RPH3A: variants seen among roughly 807,000 people sequenced by gnomAD.
RPH3A encodes the protein rabphilin-3A.
In RPH3A, 48 loss-of-function variants were observed where a neutral mutation model predicts 102.2. The ratio of observed to expected loss-of-function variants is 0.47; its 90% CI spans 0.37 to 0.60. RPH3A has a LOEUF of 0.60. RPH3A is among the 20% of genes least tolerant of loss of function. The pLI is 0.00. For missense variants in RPH3A, 781 were observed against 910.1 expected (o/e 0.86, Z 1.83); for synonymous variants, 310 against 324.3 (o/e 0.96, Z 0.47).
intron 19 of RPH3A, chr12:112,893,433 G>A (rs530956789): frequency 1.3e-5 from 2 of 152,348 alleles, no homozygotes; most frequent in Admixed American, 6.5e-5. Flanking sequence ...GTGACAACCT[G>A]AATCAGAATC....
At chr12:112,882,151 C>T (rs1177108223) in intron 15 of RPH3A, among the ~76,000 whole-genome samples, 4 of 151,812 alleles carry the variant, frequency 2.6e-5, no homozygotes, top group Non-Finnish European at 5.9e-5. Flanking sequence ...GCGGCTCTCC[C>T]ACTGCTGACT....
At chr12:112,779,951 G>A (rs952827441) in intron 1 of RPH3A, among the ~76,000 whole-genome samples, 31 of 152,312 alleles carry the variant, frequency 2.0e-4, no homozygotes, top group Non-Finnish European at 3.5e-4. Context: ...TGATTGGAGT[G>A]AAGCAGCCAC....
chr12:112,712,892 T>TTCTTCC (rs2040474023), intron 1 of RPH3A, among the ~76,000 whole-genome samples: 1 of 134,648 alleles, frequency 7.4e-6, no homozygotes, highest in African/African-American at 3.1e-5. Flanking sequence ...CTTCTTCTTC[T>TTCTTCC]TCTTCTTCTT....
At chr12:112,712,786 A>G (rs1480216495) in intron 1 of RPH3A, among the ~76,000 whole-genome samples, 1 of 151,924 alleles carries the variant, frequency 6.6e-6, no homozygotes, top group Non-Finnish European at 1.5e-5. Flanking sequence ...ATCATGGCTC[A>G]TGGCAGCCTC....
At chr12:112,672,821 T>C (rs1304601232) in intron 1 of RPH3A, among the ~76,000 whole-genome samples, 1 of 152,202 alleles carries the variant, frequency 6.6e-6, no homozygotes, top group Non-Finnish European at 1.5e-5. Flanking sequence ...CGAAGAGACC[T>C]TGCAGTCCTA....
intron 1 of RPH3A, among the ~76,000 whole-genome samples, chr12:112,629,176 A>T (rs2039786117): frequency 6.6e-6 from 1 of 152,158 alleles, no homozygotes; most frequent in Non-Finnish European, 1.5e-5. Context: ...TCTAGATAAA[A>T]AAGGTTGTGA....
At chr12:112,671,547 A>T (rs1447528565) in intron 1 of RPH3A, among the ~76,000 whole-genome samples, 2 of 152,198 alleles carry the variant, frequency 1.3e-5, no homozygotes, top group Non-Finnish European at 2.9e-5. Flanking sequence ...ACAGCTAGCT[A>T]CAGCTAGTTC....
In RPH3A at chr12:112,888,018, G is replaced by A. The variant is rs188674813; in HGVS notation, c.1563+95G>A. Reference sequence around the variant, plus strand: ...GAATTGGGGGAAATAGATCCACGGGGTATTGGGTAGCAGAGGCACTGCAGC... The same window carrying A: ...GAATTGGGGGAAATAGATCCACGGGATATTGGGTAGCAGAGGCACTGCAGC... On this transcript the variant is annotated intron_variant, in intron 17 of 21. Transcript: ENST00000389385. 610 of 1,421,576 alleles carry A rather than the reference G, an allele frequency of 4.3e-4. 1 individual carries two copies. Among genetic ancestry groups the A allele is most frequent in the Middle Eastern group, 5.5e-4 (3 of 5,452 alleles). The allele number at this position is 1,421,576 out of a possible 1,614,324, so 88.1% of individuals were successfully genotyped here.
At chr12:112,680,292 G>C (rs1344698565) in intron 1 of RPH3A, among the ~76,000 whole-genome samples, 1 of 152,110 alleles carries the variant, frequency 6.6e-6, no homozygotes, top group African/African-American at 2.4e-5. Flanking sequence ...GCGATTACAG[G>C]GTGGAAAATT....
chr12:112,824,173 A>G (rs1428136831), intron 2 of RPH3A, among the ~76,000 whole-genome samples: 2 of 152,204 alleles, frequency 1.3e-5, no homozygotes, highest in African/African-American at 2.4e-5. Context: ...GCTTCACCTG[A>G]AGTCTGGCCT....
At chr12:112,736,314 C>A (rs376186732) in intron 1 of RPH3A, among the ~76,000 whole-genome samples, 56 of 152,326 alleles carry the variant, frequency 3.7e-4, no homozygotes, top group African/African-American at 1.3e-3. Flanking sequence ...AGAACCATTG[C>A]TTAGCCAGTG....
intron 1 of RPH3A, among the ~76,000 whole-genome samples, chr12:112,780,281 T>C (rs1192130354): frequency 1.3e-5 from 2 of 152,172 alleles, no homozygotes; most frequent in African/African-American, 4.8e-5. Context: ...TTTGGGCTTC[T>C]AGTGTAGCCA....
At chr12:112,613,075 C>A (rs147076418) in intron 1 of RPH3A, among the ~76,000 whole-genome samples, 1 of 152,298 alleles carries the variant, frequency 6.6e-6, no homozygotes, top group African/African-American at 2.4e-5. Context: ...CCTTTCTCTA[C>A]ATAACCTCAT....
intron 1 of RPH3A, among the ~76,000 whole-genome samples, chr12:112,744,160 C>T (rs1269848890): frequency 1.3e-5 from 2 of 152,188 alleles, no homozygotes; most frequent in Non-Finnish European, 2.9e-5. Context: ...ACTGAAACCT[C>T]TGTCTCCCAG....
chr12:112,652,085 T>C (rs761602372), intron 1 of RPH3A, among the ~76,000 whole-genome samples: 3 of 152,196 alleles, frequency 2.0e-5, no homozygotes, highest in Non-Finnish European at 4.4e-5. Flanking sequence ...CATTTGAGTC[T>C]CTGCTTTCAA....
chr12:112,868,676 T>C, intron 8 of RPH3A, 81 bp downstream of exon 8: 2 of 1,465,300 alleles, frequency 1.4e-6, no homozygotes, highest in South Asian at 2.6e-5. Flanking sequence ...CCTGACATCA[T>C]GTCTGTGTTT....
chr12:112,873,448 C>A (rs1170670925), intron 10 of RPH3A, among the ~76,000 whole-genome samples: 1 of 152,240 alleles, frequency 6.6e-6, no homozygotes. Flanking sequence ...GTAAAACTCC[C>A]TTGTTCCAGG....
At chr12:112,666,357 G>C (rs2040083518) in intron 1 of RPH3A, among the ~76,000 whole-genome samples, 1 of 151,996 alleles carries the variant, frequency 6.6e-6, no homozygotes, top group South Asian at 2.1e-4. Context: ...CTACATTCTG[G>C]ATTTTCTTCC....
chr12:112,754,611 G>A (rs528355581), intron 1 of RPH3A, among the ~76,000 whole-genome samples: 1 of 152,180 alleles, frequency 6.6e-6, no homozygotes, highest in Admixed American at 6.5e-5. Context: ...TTTCCTGGCT[G>A]CCAAAGTGAA....
Sources: gnomAD v4.1 joint callset for allele counts (sites outside exome capture counted in the v4.1 genomes callset) on GRCh38, gnomAD v4.1.1 for gene constraint, MANE v1.5 for transcripts, NCBI Gene and HGNC (gene_info 2026-07-23, HGNC 2026-07-21) for gene names.